The following CSDE1 variants were observed in gnomAD, a reference collection of about 807,000 sequenced individuals.
The protein encoded by CSDE1 is cold shock domain-containing protein E1.
A neutral mutation model predicts 89.3 loss-of-function variants in CSDE1; 17 were observed. The ratio of observed to expected loss-of-function variants is 0.19; its 90% confidence interval spans 0.13 to 0.29. The LOEUF (loss-of-function observed/expected upper bound fraction) is 0.29. CSDE1 is among the 10% of genes least tolerant of loss of function. The pLI is 1.00. For missense variants in CSDE1, 672 were observed against 984.2 expected (o/e 0.68, Z 4.24); for synonymous variants, 322 against 332.8 (o/e 0.97, Z 0.35).
At chr1:114,741,996 G>C (rs1014034030) in intron 2 of CSDE1, among the ~76,000 whole-genome samples, 4 of 152,172 alleles carry the variant, frequency 2.6e-5, no homozygotes, top group African/African-American at 4.8e-5. Flanking sequence ...TCTCCCTAGA[G>C]TACACACTGA....
At chr1:114,734,888 T>C (rs1342248498) in intron 6 of CSDE1, among the ~76,000 whole-genome samples, 2 of 152,194 alleles carry the variant, frequency 1.3e-5, no homozygotes, top group African/African-American at 4.8e-5. Flanking sequence ...AGGTGGGGAA[T>C]ACTAAAGTCT....
At chr1:114,756,165 C>A (rs1381774071) in intron 1 of CSDE1, among the ~76,000 whole-genome samples, 1 of 152,176 alleles carries the variant, frequency 6.6e-6, no homozygotes, top group Non-Finnish European at 1.5e-5. Context: ...AAAGGTCACA[C>A]TTAAGTCAGT....
rs765241958 is a variant in CSDE1, at chr1:114,719,561, CACA to C, written c.2216+15_2216+17del. On this transcript the variant is annotated intron_variant, in intron 18 of 19. Coordinates refer to ENST00000358528, the MANE Select transcript of CSDE1 (RefSeq NM_001007553.3). Reference sequence around the variant, plus strand: ...ACTCCAGGGTAGTTACTAATCAAACCACAACAACAAAACTCACCAGACTCGCCA... The same window carrying C: ...ACTCCAGGGTAGTTACTAATCAAACCACAACAAAACTCACCAGACTCGCCA... The C allele has an allele frequency of 1.5e-5, 24 of 1,607,868 alleles. No individual in the cohort carries two copies. Among genetic ancestry groups the C allele is most frequent in the African/African-American group, 1.2e-4 (9 of 74,408 alleles).
rs200073597 is a variant in CSDE1, at chr1:114,734,004, T to A, written c.696A>T (p.Thr232=). The A allele has an allele frequency of 1.6e-4, 264 of 1,612,896 alleles. No individual in the cohort carries two copies. Among genetic ancestry groups the A allele is most frequent in the Non-Finnish European group, 2.2e-4 (257 of 1,179,772 alleles). ...TLQPGDDVEF[T]IKDRNGKEVA... ...ACTGTCTTACATTTCTGTCCTTGAT[T>A]GTGAATTCCACATCATCGCCAGGCT... The change falls in exon 8 of 20, where the codon ACA becomes ACT. Residue 232 remains threonine (T), a synonymous_variant. Transcript: ENST00000358528.
chr1:114,754,469 C>T (rs1039793491), intron 1 of CSDE1, among the ~76,000 whole-genome samples: 4 of 152,356 alleles, frequency 2.6e-5, no homozygotes, highest in East Asian at 3.9e-4. Flanking sequence ...GCAGCACTCA[C>T]TTCGGGAAAA....
chr1:114,727,608 A>C (rs1659865506), intron 12 of CSDE1: 1 of 152,236 alleles, frequency 6.6e-6, no homozygotes, highest in Non-Finnish European at 1.5e-5. Flanking sequence ...TAGATGATTA[A>C]AAATTATGAC....
intron 18 of CSDE1, 114 bp from the exon 19 acceptor site, chr1:114,718,859 G>A (rs1394072709): frequency 2.6e-6 from 3 of 1,149,766 alleles, no homozygotes; most frequent in South Asian, 3.0e-5. Context: ...TTTATGATGG[G>A]ACTCTTGCCT....
At chr1:114,739,955 G>C (rs1031709328) in intron 2 of CSDE1, 65 bp from the exon 3 acceptor site, 1 of 1,320,496 alleles carries the variant, frequency 7.6e-7, no homozygotes, top group Non-Finnish European at 1.1e-6. Flanking sequence ...ATTAAGTCTG[G>C]TTAATAAGTC....
intron 1 of CSDE1, among the ~76,000 whole-genome samples, chr1:114,753,104 TAC>T (rs1349045885): frequency 2.6e-5 from 4 of 152,172 alleles, no homozygotes; most frequent in African/African-American, 9.7e-5. Flanking sequence ...CTTTAAAAAA[TAC>T]AGACTGTGTA....
At chr1:114,734,564 G>A (rs766764409) in intron 6 of CSDE1, 41 bp from the exon 7 acceptor site, 2 of 1,519,622 alleles carry the variant, frequency 1.3e-6, no homozygotes, top group East Asian at 4.5e-5. Flanking sequence ...ATGAAACAGG[G>A]ATTAAAAATG....
At chr1:114,757,445 T>A (rs1558013276) in intron 1 of CSDE1, among the ~76,000 whole-genome samples, 1 of 151,896 alleles carries the variant, frequency 6.6e-6, no homozygotes, top group Non-Finnish European at 1.5e-5. Flanking sequence ...TAGGCCCCTC[T>A]TCTCGGTCTC....
At position 114,725,279 on chromosome 1, in the gene CSDE1, G is replaced by A. The variant is rs747426124; in HGVS notation, c.1695C>T (p.Ser565=). The A allele has an allele frequency of 4.3e-6, 7 of 1,614,136 alleles. No individual in the cohort carries two copies. The highest frequency in any genetic ancestry group is 5.9e-6 in the Non-Finnish European group (7 of 1,180,020). The part of the protein sequence containing the change: ...SLELGDMVEY[S]LSKGKGNKVS... Reference sequence around the variant, plus strand: ...CTTTGTTGCCTTTGCCTTTGGACAAGCTATACTCGACCATGTCCCCCAGTT... The same window carrying A: ...CTTTGTTGCCTTTGCCTTTGGACAAACTATACTCGACCATGTCCCCCAGTT... Residue 565 remains serine (S), a synonymous_variant, in exon 15 of 20, where the codon AGC becomes AGT. Transcript: ENST00000358528.
Position 114,717,231 on chromosome 1 carries a change from G to C in CSDE1, c.*938C>G, listed in dbSNP as rs1659226393. The C allele has an allele frequency of 1.3e-5, 2 of 152,446 alleles. No individual in the cohort carries two copies. Among genetic ancestry groups the C allele is most frequent in the South Asian group, 4.1e-4 (2 of 4,824 alleles). 9.4% of individuals were successfully genotyped at this position (152,446 alleles called of 1,614,324 possible). On this transcript the variant is annotated 3_prime_UTR_variant, in exon 20 of 20. Transcript: ENST00000358528. ...GAACAGAAGCTACACCAAGGGTCAA[G>C]TGTCTGTATTTTACAGGACACAGTA...
chr1:114,748,946 G>C (rs1047340945), intron 2 of CSDE1, among the ~76,000 whole-genome samples: 2 of 152,164 alleles, frequency 1.3e-5, no homozygotes, highest in Non-Finnish European at 2.9e-5. Flanking sequence ...ACGGAATAAA[G>C]ACAAATGCAT....
chr1:114,732,283 T>C (rs924424063), intron 10 of CSDE1, among the ~76,000 whole-genome samples: 12 of 152,166 alleles, frequency 7.9e-5, no homozygotes, highest in Admixed American at 2.6e-4. Flanking sequence ...AGGAAATAGT[T>C]TGGGAAAATC....
chr1:114,748,699 C>G (rs924813467), intron 2 of CSDE1, among the ~76,000 whole-genome samples: 9 of 152,188 alleles, frequency 5.9e-5, no homozygotes, highest in Non-Finnish European at 1.3e-4. Flanking sequence ...TCTAAATCAT[C>G]AGAACACCTA....
chr1:114,754,728 A>G (rs754588971), intron 1 of CSDE1, among the ~76,000 whole-genome samples: 18 of 152,246 alleles, frequency 1.2e-4, no homozygotes, highest in Admixed American at 6.5e-5. Flanking sequence ...AACCTAAGTC[A>G]TCTGTTGAGT....
chr1:114,757,511 C>A (rs1412692661), intron 1 of CSDE1, among the ~76,000 whole-genome samples: 1 of 152,034 alleles, frequency 6.6e-6, no homozygotes, highest in Non-Finnish European at 1.5e-5. Context: ...CCCCGCCCGC[C>A]GGGACATGTA....
intron 6 of CSDE1, among the ~76,000 whole-genome samples, chr1:114,735,721 C>A (rs1660362705): frequency 6.6e-6 from 1 of 152,196 alleles, no homozygotes; most frequent in Admixed American, 6.5e-5. Context: ...CTAGCACTTT[C>A]TCCAACTTTC....
Sources: allele counts gnomAD v4.1 joint callset (sites outside exome capture counted in the v4.1 genomes callset), GRCh38; gene constraint gnomAD v4.1.1; transcripts MANE v1.5; gene names NCBI Gene and HGNC (gene_info 2026-07-23, HGNC 2026-07-21).